The following NREP variants were observed in gnomAD, a reference collection of about 807,000 sequenced individuals.
NREP encodes neuronal regeneration related protein.
NREP carries 5 observed loss-of-function variants against 8.6 expected under a neutral mutation model. That is an observed-to-expected ratio of 0.58 (90% CI 0.30 to 1.22). NREP has a LOEUF of 1.22. Ranked by LOEUF, NREP falls within the 50% of genes most tolerant of loss-of-function variation. NREP has a pLI of 0.07. For synonymous variants in NREP, 27 were observed against 28.0 expected, an observed-to-expected ratio of 0.96 and a Z score of 0.11; for missense variants, 86 against 82.5, an observed-to-expected ratio of 1.04 and a Z score of -0.17.
chr5:111,740,778 A>T (rs941266517), intron 2 of NREP, among the ~76,000 whole-genome samples: 1 of 152,226 alleles, frequency 6.6e-6, no homozygotes, highest in African/African-American at 2.4e-5. Flanking sequence ...GAATCAATCT[A>T]AAAGTTCTCG....
At chr5:111,955,201 C>G (rs1756275261) in intron 2 of NREP, among the ~76,000 whole-genome samples, 1 of 152,138 alleles carries the variant, frequency 6.6e-6, no homozygotes, top group Admixed American at 6.5e-5. Context: ...GTTTCCTTCT[C>G]TCAGCCAGCA....
intron 2 of NREP, among the ~76,000 whole-genome samples, chr5:111,949,732 A>C (rs1353736539): frequency 6.6e-6 from 1 of 152,084 alleles, no homozygotes; most frequent in Non-Finnish European, 1.5e-5. Flanking sequence ...TTCCAGCTTC[A>C]TCCATGTCCC....
At chr5:111,832,320 C>A (rs186938163) in intron 2 of NREP, among the ~76,000 whole-genome samples, 266 of 152,170 alleles carry the variant, frequency 1.7e-3, no homozygotes, top group African/African-American at 6.0e-3. Context: ...GAGTTAGGGA[C>A]CAGCCTGGAC....
In NREP at chr5:111,748,724, C is replaced by G. The variant is rs143418596; in HGVS notation, c.3+7046G>C. On this transcript the variant is annotated intron_variant, in intron 2 of 3. Transcript: ENST00000257435. ...CTCTCTCAGTAATGAAACTTTTCTA[C>G]ATCTGAATTCACCATCCCACTGGTA... is the stretch of plus-strand genomic sequence containing the variant. Among the ~76,000 whole-genome samples, 239 of 152,228 alleles carry G rather than the reference C, an allele frequency of 1.6e-3. 5 individuals are homozygous for G. In the East Asian group the frequency reaches 0.044, roughly 28 times the overall value.
chr5:111,786,277 A>G (rs988093948), intron 2 of NREP, among the ~76,000 whole-genome samples: 3 of 152,258 alleles, frequency 2.0e-5, no homozygotes, highest in Admixed American at 2.0e-4. Flanking sequence ...CCTTTCCTCT[A>G]GGATTGTAAC....
chr5:111,733,864 T>A (rs1212502585), intron 3 of NREP: 1 of 152,186 alleles, frequency 6.6e-6, no homozygotes, highest in Non-Finnish European at 1.5e-5. Context: ...AGGAAATTAA[T>A]CCCCAGTTAA....
intron 2 of NREP, among the ~76,000 whole-genome samples, chr5:111,879,356 G>A (rs187363004): frequency 1.2e-3 from 179 of 152,270 alleles, no homozygotes; most frequent in South Asian, 8.7e-3. Flanking sequence ...AAGCACTGAG[G>A]ATAAAAGATC....
Position 111,883,166 on chromosome 5 carries a change from G to A in NREP, c.135+92108C>T, listed in dbSNP as rs572350481. Among the ~76,000 whole-genome samples the A allele has an allele frequency of 2.0e-5, 3 of 152,222 alleles. 1 individual carries two copies. The South Asian group carries it at 6.2e-4, about 32-fold the overall frequency. ...GCAAATGGAAAACAAAAAAAGGCAGGGGTTGCAATGCTAGTCTCTGATAAA... is the reference window on the plus strand; with the variant it reads ...GCAAATGGAAAACAAAAAAAGGCAGAGGTTGCAATGCTAGTCTCTGATAAA... On this transcript the variant is annotated intron_variant, in intron 2 of 3. Coordinates refer to the NREP transcript ENST00000395634.
At chr5:111,784,312 A>G (rs2112886507) in intron 2 of NREP, among the ~76,000 whole-genome samples, 1 of 150,492 alleles carries the variant, frequency 6.6e-6, no homozygotes, top group South Asian at 2.1e-4. Context: ...GTGTAGATGC[A>G]AGGAAAGCTG....
rs374351712 is a variant in NREP, at chr5:111,919,983, C to G, written c.135+55291G>C. The stretch of plus-strand genomic sequence containing the variant: ...ATTAATAAAAAGAATACCCCCCCCC[C>G]CCACACACACAAAGAAGTCATATGC... On this transcript the variant is annotated intron_variant, in intron 2 of 3. Coordinates refer to the NREP transcript ENST00000395634. 5.0e-3 allele frequency among the ~76,000 whole-genome samples: 628 copies of G among 125,080 alleles called. 18 individuals are homozygous for G. Among genetic ancestry groups the G allele is most frequent in the African/African-American group, 0.018 (597 of 33,648 alleles). The allele number at this position is 125,080 out of a possible 152,430, so 82.1% of individuals were successfully genotyped here.
chr5:111,760,223 C>T (rs918149006), upstream of NREP, among the ~76,000 whole-genome samples: 2 of 152,146 alleles, frequency 1.3e-5, no homozygotes, highest in African/African-American at 4.8e-5. Context: ...CTGTAGGAAA[C>T]GCCAGTTGTC....
chr5:111,872,015 C>G (rs911509355), intron 2 of NREP, among the ~76,000 whole-genome samples: 3 of 148,552 alleles, frequency 2.0e-5, no homozygotes, highest in African/African-American at 5.0e-5. Flanking sequence ...GCTATTGGTT[C>G]CATTTCATAT....
upstream of NREP, among the ~76,000 whole-genome samples, chr5:111,761,881 T>C (rs1750967752): frequency 6.6e-6 from 1 of 152,166 alleles, no homozygotes; most frequent in African/African-American, 2.4e-5. Flanking sequence ...GCTTAAGAAA[T>C]GTGAATGCTA....
intron 2 of NREP, among the ~76,000 whole-genome samples, chr5:111,959,931 T>G (rs1367929437): frequency 1.3e-5 from 2 of 152,008 alleles, no homozygotes; most frequent in Non-Finnish European, 2.9e-5. Flanking sequence ...GATTTTTTCA[T>G]GAAATGAAAA....
intron 2 of NREP, among the ~76,000 whole-genome samples, chr5:111,871,809 G>A (rs1187474013): frequency 4.0e-5 from 6 of 149,488 alleles, no homozygotes; most frequent in African/African-American, 1.2e-4. Context: ...TGTCATATAT[G>A]CAGTTTGTCA....
chr5:111,895,401 G>T (rs1387756953), intron 2 of NREP, among the ~76,000 whole-genome samples: 1 of 152,126 alleles, frequency 6.6e-6, no homozygotes. Flanking sequence ...GAGTGACAGT[G>T]AAGAACCAGC....
upstream of NREP, chr5:111,757,804 G>T: frequency 2.1e-6 from 2 of 970,544 alleles, no homozygotes; most frequent in African/African-American, 1.8e-5. Flanking sequence ...CTCGACGTGC[G>T]GTTGCTTTTC....
chr5:111,765,062 C>T (rs1225709513), intron 2 of NREP, among the ~76,000 whole-genome samples: 1 of 152,140 alleles, frequency 6.6e-6, no homozygotes, highest in African/African-American at 2.4e-5. Flanking sequence ...AATCAGCATT[C>T]TCCAACCTTT....
At chr5:111,877,896 T>C (rs1468562703) in intron 2 of NREP, among the ~76,000 whole-genome samples, 4 of 152,214 alleles carry the variant, frequency 2.6e-5, no homozygotes. Context: ...AGGGCCACAC[T>C]GGAGTATGGC....
Sources: gnomAD v4.1 joint callset for allele counts (sites outside exome capture counted in the v4.1 genomes callset) on GRCh38, gnomAD v4.1.1 for gene constraint, MANE v1.5 for transcripts, NCBI Gene and HGNC (gene_info 2026-07-23, HGNC 2026-07-21) for gene names.